The following SDK1 variants were observed in gnomAD, a reference collection of about 807,000 sequenced individuals.
SDK1 encodes the protein protein sidekick-1.
A neutral mutation model predicts 245.5 loss-of-function variants in SDK1; 157 were observed. That is an observed-to-expected ratio of 0.64 (90% confidence interval 0.56 to 0.73). The LOEUF is 0.73. Ranked by LOEUF, SDK1 falls within the 30% of genes least tolerant of loss-of-function variation. The pLI is 0.00. For synonymous variants in SDK1, 1,647 were observed against 1,278.5 expected (o/e 1.29, Z -6.15); for missense variants, 3,583 against 3,002.3 (o/e 1.19, Z -4.52).
intron 38 of SDK1, among the ~76,000 whole-genome samples, chr7:4,219,117 C>T (rs576981887): frequency 1.3e-5 from 2 of 152,280 alleles, no homozygotes; most frequent in South Asian, 4.2e-4. Flanking sequence ...TGCCATCGTC[C>T]TCTGAATCGA....
intron 14 of SDK1, among the ~76,000 whole-genome samples, chr7:3,989,042 A>C (rs1784087965): frequency 6.6e-6 from 1 of 152,190 alleles, no homozygotes; most frequent in Non-Finnish European, 1.5e-5. Context: ...GGCATGAGCC[A>C]CCGCGCCTGG....
At position 3,472,798 on chromosome 7, in the gene SDK1, C is replaced by G. The variant is rs1490924421; in HGVS notation, c.299-146282C>G. Among the ~76,000 whole-genome samples the G allele has an allele frequency of 3.3e-5, 5 of 152,142 alleles. No homozygotes were observed. The East Asian group carries it at 7.7e-4, about 23-fold the overall frequency. On this transcript the variant is annotated intron_variant, in intron 1 of 44. Coordinates refer to ENST00000404826, the MANE Select transcript of SDK1 (RefSeq NM_152744.4). ...CTGGCTAACAGTACCAGCATGAGAA[C>G]ATAGGGTAACAGCAAGTTGCTTGCC...
At chr7:4,192,682 A>G (rs1236990554) in intron 35 of SDK1, among the ~76,000 whole-genome samples, 1 of 152,142 alleles carries the variant, frequency 6.6e-6, no homozygotes, top group Non-Finnish European at 1.5e-5. Context: ...TGCACTGGGA[A>G]GTCAAAACAT....
chr7:3,506,574 A>G (rs1034433334), intron 1 of SDK1, among the ~76,000 whole-genome samples: 3 of 152,180 alleles, frequency 2.0e-5, no homozygotes, highest in Admixed American at 1.3e-4. Flanking sequence ...TGACATGCAT[A>G]TTATATTATC....
intron 4 of SDK1, among the ~76,000 whole-genome samples, chr7:3,729,994 A>G (rs920561245): frequency 6.6e-6 from 1 of 152,074 alleles, no homozygotes; most frequent in South Asian, 2.1e-4. Context: ...ACAGTAGTAC[A>G]TATATATGTA....
chr7:3,624,631 G>A (rs1782054962), intron 2 of SDK1, among the ~76,000 whole-genome samples: 1 of 152,124 alleles, frequency 6.6e-6, no homozygotes, highest in Admixed American at 6.5e-5. Flanking sequence ...TAATGGGGAG[G>A]AACTTTTTTT....
chr7:3,672,343 A>G (rs372778336), intron 4 of SDK1, among the ~76,000 whole-genome samples: 2 of 151,900 alleles, frequency 1.3e-5, no homozygotes, highest in South Asian at 2.1e-4. Flanking sequence ...TGCACCCCCA[A>G]GTTCTTGAAG....
intron 2 of SDK1, among the ~76,000 whole-genome samples, chr7:3,632,143 T>C (rs1782314271): frequency 1.3e-5 from 2 of 152,226 alleles, no homozygotes; most frequent in African/African-American, 4.8e-5. Flanking sequence ...GAAGGTTTTC[T>C]GAAATTCCTT....
chr7:3,508,329 T>C (rs73051839), intron 1 of SDK1, among the ~76,000 whole-genome samples: 28 of 97,598 alleles, frequency 2.9e-4, no homozygotes, highest in East Asian at 6.9e-4. Flanking sequence ...TCTTCTTCTT[T>C]TTTTTTTTTT....
chr7:3,787,824 G>A lies in SDK1; in HGVS notation c.714-33626G>A, dbSNP rs1041526370. The stretch of plus-strand genomic sequence containing the variant: ...CTGTTCTGTAGCTTTGTGAAGTCCT[G>A]CATGAAAGCATTTCAACATAAGACG... On this transcript the variant is annotated intron_variant, in intron 4 of 44. Transcript: ENST00000404826. 3.3e-5 allele frequency among the ~76,000 whole-genome samples: 5 copies of A among 152,192 alleles called. No individual in the cohort carries two copies. In the South Asian group the frequency reaches 1.0e-3, roughly 32 times the overall value.
chr7:4,183,479 C>CA (rs1464369130), intron 35 of SDK1, among the ~76,000 whole-genome samples: 2 of 151,652 alleles, frequency 1.3e-5, no homozygotes, highest in Non-Finnish European at 1.5e-5. Flanking sequence ...ACTAAAAATA[C>CA]AAAAAATTAG....
intron 5 of SDK1, among the ~76,000 whole-genome samples, chr7:3,930,827 C>G (rs1249920254): frequency 6.6e-6 from 1 of 151,980 alleles, no homozygotes; most frequent in Non-Finnish European, 1.5e-5. Context: ...AGAAAAGTCT[C>G]TCTGAGTAAA....
At chr7:3,361,887 C>G (rs779849206) in intron 1 of SDK1, among the ~76,000 whole-genome samples, 1 of 152,132 alleles carries the variant, frequency 6.6e-6, no homozygotes, top group African/African-American at 2.4e-5. Flanking sequence ...CACAACCTGG[C>G]AATTTTTTAA....
At chr7:3,581,860 G>T (rs1157457920) in intron 1 of SDK1, among the ~76,000 whole-genome samples, 1 of 152,232 alleles carries the variant, frequency 6.6e-6, no homozygotes, top group Non-Finnish European at 1.5e-5. Context: ...CATGGGTGAA[G>T]CTGGAGGCCA....
chr7:4,243,462 G>C (rs1004978948), intron 43 of SDK1, among the ~76,000 whole-genome samples: 1 of 152,336 alleles, frequency 6.6e-6, no homozygotes, highest in East Asian at 1.9e-4. Flanking sequence ...AGACTGGGTA[G>C]TTTATACAGG....
Position 3,459,320 on chromosome 7 carries a change from C to G in SDK1, c.298+157436C>G, listed in dbSNP as rs186344890. Among the ~76,000 whole-genome samples the G allele has an allele frequency of 3.3e-5, 5 of 152,124 alleles. No individual in the cohort carries two copies. In the East Asian group the frequency reaches 9.7e-4, roughly 29 times the overall value. ...GTCATACTTTTTGTATGGCTCATCA[C>G]TTTTAAATGTTGCTGGTTTCAAAAG... On this transcript the variant is annotated intron_variant, in intron 1 of 44. Coordinates refer to ENST00000404826, the MANE Select transcript of SDK1 (RefSeq NM_152744.4).
chr7:3,527,076 CCTG>C (rs1783164184), intron 1 of SDK1, among the ~76,000 whole-genome samples: 1 of 151,976 alleles, frequency 6.6e-6, no homozygotes, highest in South Asian at 2.1e-4. Context: ...GGTCACCAGC[CCTG>C]CTATTTTGGC....
intron 1 of SDK1, among the ~76,000 whole-genome samples, chr7:3,589,208 C>A (rs946793905): frequency 1.3e-5 from 2 of 152,178 alleles, no homozygotes; most frequent in Non-Finnish European, 2.9e-5. Context: ...TGGTACTGAT[C>A]TCACAGTTGG....
intron 22 of SDK1, among the ~76,000 whole-genome samples, chr7:4,097,175 C>T (rs577998305): frequency 6.6e-6 from 1 of 151,190 alleles, no homozygotes; most frequent in African/African-American, 2.4e-5. Flanking sequence ...GTTCCTGCCC[C>T]ACCCCACCTC....
Sources: allele counts gnomAD v4.1 joint callset (sites outside exome capture counted in the v4.1 genomes callset), GRCh38; gene constraint gnomAD v4.1.1; transcripts MANE v1.5; gene names NCBI Gene and HGNC (gene_info 2026-07-23, HGNC 2026-07-21).